The following GRID1 variants were observed in gnomAD, a reference collection of about 807,000 sequenced individuals.
GRID1 encodes glutamate ionotropic receptor delta type subunit 1.
Under a neutral mutation model 98.0 loss-of-function variants are expected in GRID1, and 28 were observed. The observed-to-expected ratio is 0.29, with a 90% CI of 0.21 to 0.39. GRID1 has a LOEUF of 0.39. Ranked by LOEUF, GRID1 falls within the 10% of genes least tolerant of loss-of-function variation. The probability of loss-of-function intolerance (pLI) is 1.00; values close to 1 mark genes in which losing one functional copy is unlikely to be tolerated. For synonymous variants in GRID1, 553 were observed against 538.5 expected, an observed-to-expected ratio of 1.03 and a Z score of -0.37; for missense variants, 1,111 against 1,340.5, an observed-to-expected ratio of 0.83 and a Z score of 2.67.
intron 4 of GRID1, among the ~76,000 whole-genome samples, chr10:86,007,822 TTTTATTTATTTA>T (rs56067622): frequency 1.3e-5 from 2 of 148,860 alleles, no homozygotes; most frequent in East Asian, 2.0e-4. Flanking sequence ...TTTTGTGTTT[TTTTATTTATTTA>T]TTTATTTATT....
At chr10:86,065,626 A>G (rs1843709681) in intron 4 of GRID1, among the ~76,000 whole-genome samples, 1 of 152,244 alleles carries the variant, frequency 6.6e-6, no homozygotes, top group Admixed American at 6.5e-5. Flanking sequence ...ACACAAAGCC[A>G]GGCCCTTAGT....
chr10:86,076,555 G>A (rs543308562), intron 4 of GRID1, among the ~76,000 whole-genome samples: 3 of 152,306 alleles, frequency 2.0e-5, no homozygotes, highest in East Asian at 3.9e-4. Flanking sequence ...GGCGGAAGCT[G>A]GCAAGTCCAC....
chr10:86,358,003 C>G (rs902308818), intron 2 of GRID1, among the ~76,000 whole-genome samples: 1 of 152,140 alleles, frequency 6.6e-6, no homozygotes, highest in South Asian at 2.1e-4. Flanking sequence ...TGGGTCCAAG[C>G]GGCAGCACCA....
At chr10:85,912,234 C>G (rs982544922) in intron 5 of GRID1, among the ~76,000 whole-genome samples, 4 of 152,206 alleles carry the variant, frequency 2.6e-5, no homozygotes, top group Non-Finnish European at 4.4e-5. Context: ...CCCCTACCCT[C>G]TCTAAGGTAA....
At chr10:86,324,594 G>A (rs1399802131) in intron 2 of GRID1, among the ~76,000 whole-genome samples, 1 of 105,932 alleles carries the variant, frequency 9.4e-6, no homozygotes, top group Non-Finnish European at 2.5e-5. Context: ...TGAGAAAACT[G>A]CTTTAAGGAA....
At chr10:85,715,167 G>A (rs1416000808) in intron 12 of GRID1, among the ~76,000 whole-genome samples, 1 of 152,110 alleles carries the variant, frequency 6.6e-6, no homozygotes, top group Non-Finnish European at 1.5e-5. Context: ...TGATGTTGGA[G>A]AAACTGAATA....
chr10:85,604,410 A>C (rs971586077), intron 15 of GRID1, among the ~76,000 whole-genome samples: 13 of 152,200 alleles, frequency 8.5e-5, no homozygotes, highest in Non-Finnish European at 1.9e-4. Flanking sequence ...TCGCTGTCAT[A>C]GGTGAAAATG....
intron 4 of GRID1, among the ~76,000 whole-genome samples, chr10:86,096,642 C>T (rs867555718): frequency 1.3e-5 from 2 of 152,208 alleles, no homozygotes; most frequent in Non-Finnish European, 2.9e-5. Context: ...ATTTCACAGC[C>T]AAAGAAGTGT....
At chr10:85,784,065 C>A (rs1194374997) in intron 8 of GRID1, among the ~76,000 whole-genome samples, 2 of 152,150 alleles carry the variant, frequency 1.3e-5, no homozygotes, top group Non-Finnish European at 2.9e-5. Context: ...ACATGTCAAA[C>A]CTTCAGCAAA....
At chr10:86,226,112 G>A (rs945036543) in intron 2 of GRID1, among the ~76,000 whole-genome samples, 9 of 152,014 alleles carry the variant, frequency 5.9e-5, no homozygotes, top group East Asian at 1.9e-4. Flanking sequence ...GCGTAAGAAC[G>A]AAAGGGAAGA....
intron 8 of GRID1, among the ~76,000 whole-genome samples, chr10:85,837,503 C>G (rs1017329213): frequency 6.6e-6 from 1 of 152,142 alleles, no homozygotes; most frequent in Non-Finnish European, 1.5e-5. Flanking sequence ...TACAAGTTCT[C>G]CAGAGTTAGA....
intron 15 of GRID1, among the ~76,000 whole-genome samples, chr10:85,611,617 C>T (rs953249926): frequency 6.6e-6 from 1 of 152,158 alleles, no homozygotes; most frequent in African/African-American, 2.4e-5. Flanking sequence ...CTGGTCTTTC[C>T]CATCCTTCTC....
chr10:86,180,550 C>G (rs1250728748), intron 3 of GRID1, among the ~76,000 whole-genome samples: 1 of 152,066 alleles, frequency 6.6e-6, no homozygotes, highest in African/African-American at 2.4e-5. Flanking sequence ...TCCATGTGCT[C>G]CCTGTCCCAA....
chr10:86,206,515 C>A lies in GRID1; in HGVS notation c.369G>T (p.Ser123=). The A allele has an allele frequency of 6.2e-7, 1 of 1,614,176 alleles. No individual in the cohort carries two copies. Among genetic ancestry groups the A allele is most frequent in the South Asian group, 1.1e-5 (1 of 91,080 alleles). The change falls in exon 3 of 16, where the codon TCG becomes TCT. Residue 123 remains serine (S), a synonymous_variant. Coordinates refer to ENST00000327946, the MANE Select transcript of GRID1 (RefSeq NM_017551.3). The surrounding 1 kb of genome is among the most constrained non-coding windows in gnomAD (Gnocchi z 4.1). ...GGTTCAGGTGGCATGCGGTGCGTGG[C>A]GACCCTCCCGGGTTGCGCTGGACAA... ...HLFVQRNPGG[S]PRTACHLNPS... is the part of the protein sequence containing the mutation.
intron 12 of GRID1, among the ~76,000 whole-genome samples, chr10:85,681,222 T>A (rs1451888826): frequency 2.0e-5 from 3 of 152,122 alleles, no homozygotes; most frequent in East Asian, 1.9e-4. Flanking sequence ...GCTCCCCCCA[T>A]GAGCCCTGTT....
chr10:85,670,206 C>T (rs1395065269), intron 12 of GRID1, among the ~76,000 whole-genome samples: 2 of 152,188 alleles, frequency 1.3e-5, no homozygotes, highest in Admixed American at 1.3e-4. Flanking sequence ...AAACTTTCAA[C>T]TTTCTTTCAC....
At chr10:85,740,587 C>A (rs1841930957) in intron 8 of GRID1, among the ~76,000 whole-genome samples, 1 of 152,106 alleles carries the variant, frequency 6.6e-6, no homozygotes, top group African/African-American at 2.4e-5. Flanking sequence ...TCCTACTCAT[C>A]CTTTCAATAT....
rs923478482 is a variant in GRID1 at position 86,192,976 on chromosome 10, C to T, written c.520+13388G>A. ...GCCAGAGCGTGTGTCTCAGGAGAGC[C>T]CGGGAGGATGGGAAGCAAGGAAGAC... is the stretch of plus-strand genomic sequence containing the variant. On this transcript the variant is annotated intron_variant, in intron 3 of 15. Coordinates refer to ENST00000327946, the MANE Select transcript of GRID1 (RefSeq NM_017551.3). This position sits in a 1 kb window ranked among gnomAD's most constrained non-coding sequence, Gnocchi z 4.8. Among the ~76,000 whole-genome samples, 3 of 151,942 alleles carry T rather than the reference C, an allele frequency of 2.0e-5. No homozygotes were observed. The highest frequency in any genetic ancestry group is 4.4e-5 in the Non-Finnish European group (3 of 67,936).
rs1186092637 is a variant in GRID1, at chr10:86,007,816, GTGTT to G, written c.727-91581_727-91578del. Reference sequence around the variant, plus strand: ...CTCAGTTTTGTTTTTTTTGTTTTTTGTGTTTTTTTATTTATTTATTTATTTATTT... The same window carrying G: ...CTCAGTTTTGTTTTTTTTGTTTTTTGTTTTTATTTATTTATTTATTTATTT... On this transcript the variant is annotated intron_variant, in intron 4 of 15. Coordinates refer to ENST00000327946, the MANE Select transcript of GRID1 (RefSeq NM_017551.3). 4.2e-5 allele frequency among the ~76,000 whole-genome samples: 6 copies of G among 142,092 alleles called. No homozygotes were observed. In the South Asian group the frequency reaches 1.1e-3, roughly 27 times the overall value. The allele number at this position is 142,092 out of a possible 152,430, so 93.2% of individuals were successfully genotyped here. A position where few individuals can be genotyped will look rare whatever the true frequency, so the allele number is the denominator to read the frequency against.
Sources: allele counts gnomAD v4.1 joint callset (sites outside exome capture counted in the v4.1 genomes callset), GRCh38; gene constraint gnomAD v4.1.1; non-coding constraint Gnocchi (gnomAD v3.1); transcripts MANE v1.5; gene names NCBI Gene and HGNC (gene_info 2026-07-23, HGNC 2026-07-21).